The following TCF7L1 variants were observed in gnomAD, a reference collection of about 807,000 sequenced individuals.
The protein encoded by TCF7L1 is transcription factor 7 like 1.
TCF7L1 carries 18 observed loss-of-function variants against 63.7 expected under a neutral mutation model. That is an observed-to-expected ratio of 0.28 (90% CI 0.20 to 0.42). TCF7L1 has a LOEUF of 0.42. Ranked by LOEUF, TCF7L1 falls within the 10% of genes least tolerant of loss-of-function variation. TCF7L1 has a pLI of 1.00. For missense variants in TCF7L1, 654 were observed against 779.3 expected (o/e 0.84, Z 1.91); for synonymous variants, 355 against 340.9 (o/e 1.04, Z -0.46).
chr2:85,263,562 A>G (rs1431402445), intron 3 of TCF7L1, among the ~76,000 whole-genome samples: 1 of 152,222 alleles, frequency 6.6e-6, no homozygotes, highest in Non-Finnish European at 1.5e-5. Flanking sequence ...GGGTGACCGC[A>G]TGTCCTGGTT....
intron 3 of TCF7L1, among the ~76,000 whole-genome samples, chr2:85,154,148 A>G (rs1678086739): frequency 6.6e-6 from 1 of 152,160 alleles, no homozygotes; most frequent in Admixed American, 6.5e-5. Flanking sequence ...ACTTTCCTTC[A>G]TCTGTGTTAC....
At chr2:85,289,913 A>G (rs896444893) in intron 4 of TCF7L1, among the ~76,000 whole-genome samples, 1 of 150,398 alleles carries the variant, frequency 6.6e-6, no homozygotes, top group African/African-American at 2.4e-5. Flanking sequence ...GCCTCACGGG[A>G]TCCGCGCACC....
rs759348807 is a variant in TCF7L1 at position 85,298,191 on chromosome 2, C to CAAAAAAAA, written c.526-4285_526-4278dup. ...TGGGTGACAGAGTGAGACTCCATCT[C>CAAAAAAAA]AAAAAAAAAAAAAAAGTGCAGGCCG... On this transcript the variant is annotated intron_variant, in intron 4 of 11. Transcript: ENST00000282111. Among the ~76,000 whole-genome samples the CAAAAAAAA allele has an allele frequency of 3.8e-4, 17 of 44,734 alleles. 4 individuals are homozygous for CAAAAAAAA. The highest frequency in any genetic ancestry group is 1.5e-3 in the African/African-American group (11 of 7,352). The allele number at this position is 44,734 out of a possible 152,430, so 29.3% of individuals were successfully genotyped here.
intron 6 of TCF7L1, 63 bp downstream of exon 6, chr2:85,304,060 C>A: frequency 7.4e-7 from 1 of 1,350,258 alleles, no homozygotes; most frequent in South Asian, 1.3e-5. Context: ...GCCTCTGTGC[C>A]CTGCGCGCCC....
intron 3 of TCF7L1, among the ~76,000 whole-genome samples, chr2:85,137,724 C>T (rs955905121): frequency 4.6e-5 from 7 of 152,072 alleles, no homozygotes; most frequent in Non-Finnish European, 8.8e-5. Context: ...GAAACCCCAT[C>T]TGTACTAAAA....
At position 85,302,717 on chromosome 2, in the gene TCF7L1, C is replaced by T. The variant is rs142278182; in HGVS notation, c.658+101C>T. 366 of 1,440,282 alleles carry T rather than the reference C, an allele frequency of 2.5e-4. 3 individuals carry two copies. The African/African-American group carries it at 4.7e-3, about 18-fold the overall frequency. The allele number at this position is 1,440,282 out of a possible 1,614,324, so 89.2% of individuals were successfully genotyped here. ...GAATCAGGCTGACCTGGGTTCAAAT[C>T]ATGGCTCTTTGTCTCAGGAGTCTTT... On this transcript the variant is annotated intron_variant, in intron 5 of 11. Transcript: ENST00000282111.
chr2:85,303,735 G>T, intron 5 of TCF7L1, 160 bp from the exon 6 acceptor site: 1 of 556,450 alleles, frequency 1.8e-6, no homozygotes, highest in Non-Finnish European at 3.2e-6. Flanking sequence ...ACTGACTGGT[G>T]AGAGCTGCTA....
Position 85,309,552 on chromosome 2 carries a change from T to G in TCF7L1, c.*90T>G. 1 of 1,371,676 alleles carries G rather than the reference T, an allele frequency of 7.3e-7. No individual in the cohort carries two copies. Among genetic ancestry groups the G allele is most frequent in the Non-Finnish European group, 9.8e-7 (1 of 1,018,076 alleles). 85.0% of individuals were successfully genotyped at this position (1,371,676 alleles called of 1,614,324 possible). On this transcript the variant is annotated 3_prime_UTR_variant, in exon 12 of 12. Coordinates refer to ENST00000282111, the MANE Select transcript of TCF7L1 (RefSeq NM_031283.3). ...AAAAAGGAGACTTTATTGGTCAATATTTGACCACTCTGGACTGTTCTGTAA... is the reference window on the plus strand; with the variant it reads ...AAAAAGGAGACTTTATTGGTCAATAGTTGACCACTCTGGACTGTTCTGTAA...
chr2:85,135,399 G>T (rs1677569905), intron 3 of TCF7L1, among the ~76,000 whole-genome samples: 1 of 152,148 alleles, frequency 6.6e-6, no homozygotes, highest in Non-Finnish European at 1.5e-5. Context: ...CTGCTGCTTG[G>T]GCGCGATGTG....
intron 3 of TCF7L1, among the ~76,000 whole-genome samples, chr2:85,261,726 TA>T (rs34335132): frequency 0.42 from 62,336 of 150,190 alleles, 14,195 homozygotes; most frequent in Non-Finnish European, 0.53. Context: ...TCCCATCTGT[TA>T]AAAAAAAAAA....
chr2:85,191,110 C>T lies in TCF7L1; in HGVS notation c.441+56660C>T, dbSNP rs752251896. ...GAGCCTTATAACTTATTTGGAGAAA[C>T]GCAGCACACAATATAGAAACACTTG... On this transcript the variant is annotated intron_variant, in intron 3 of 11. Coordinates refer to ENST00000282111, the MANE Select transcript of TCF7L1 (RefSeq NM_031283.3). Among the ~76,000 whole-genome samples the T allele has an allele frequency of 1.6e-4, 24 of 150,872 alleles. 1 individual carries two copies. Among genetic ancestry groups the T allele is most frequent in the Admixed American group, 1.1e-3 (16 of 14,996 alleles).
At chr2:85,191,368 G>A (rs72840127) in intron 3 of TCF7L1, among the ~76,000 whole-genome samples, 3,421 of 152,286 alleles carry the variant, frequency 0.022, 59 homozygotes, top group Non-Finnish European at 0.036. Context: ...GGTGCTATGT[G>A]ACATCTCACA....
At chr2:85,163,339 C>T (rs746320162) in intron 3 of TCF7L1, among the ~76,000 whole-genome samples, 3 of 152,098 alleles carry the variant, frequency 2.0e-5, no homozygotes, top group Non-Finnish European at 4.4e-5. Context: ...GAGGTATTGG[C>T]CCCCCTCCCC....
chr2:85,267,855 G>A (rs1187935118), intron 3 of TCF7L1, among the ~76,000 whole-genome samples: 1 of 152,062 alleles, frequency 6.6e-6, no homozygotes, highest in Admixed American at 6.5e-5. Flanking sequence ...AAAGAAATCT[G>A]TTTATCCAAG....
intron 4 of TCF7L1, among the ~76,000 whole-genome samples, chr2:85,285,851 T>G (rs1386505248): frequency 1.3e-5 from 2 of 152,198 alleles, no homozygotes; most frequent in Non-Finnish European, 2.9e-5. Flanking sequence ...TCTCTGCATA[T>G]TGTCGCATCT....
chr2:85,241,431 GTTTTTGTTT>G (rs1341027215), intron 3 of TCF7L1, among the ~76,000 whole-genome samples: 4 of 68,788 alleles, frequency 5.8e-5, no homozygotes, highest in African/African-American at 2.1e-4. Flanking sequence ...GATGCACTTT[GTTTTTGTTT>G]TTTTTTTTTT....
intron 3 of TCF7L1, among the ~76,000 whole-genome samples, chr2:85,148,855 C>T (rs956778364): frequency 4.1e-5 from 6 of 146,514 alleles, no homozygotes; most frequent in Admixed American, 3.5e-4. Context: ...CTCACTGCAA[C>T]CTCTGCCCCC....
At chr2:85,254,782 G>C (rs1422423177) in intron 3 of TCF7L1, among the ~76,000 whole-genome samples, 1 of 152,188 alleles carries the variant, frequency 6.6e-6, no homozygotes, top group African/African-American at 2.4e-5. Context: ...GTACTAAGAA[G>C]AGAATGAAGC....
At chr2:85,294,105 T>C (rs1681791687) in intron 4 of TCF7L1, among the ~76,000 whole-genome samples, 1 of 139,762 alleles carries the variant, frequency 7.2e-6, no homozygotes, top group Admixed American at 7.9e-5. Context: ...GGCACGATCT[T>C]GGCTCACTGC....
Sources: allele counts gnomAD v4.1 joint callset (sites outside exome capture counted in the v4.1 genomes callset), GRCh38; gene constraint gnomAD v4.1.1; transcripts MANE v1.5; gene names NCBI Gene and HGNC (gene_info 2026-07-23, HGNC 2026-07-21).